ZNF423: variants seen among roughly 807,000 people sequenced by gnomAD.
ZNF423 encodes the protein zinc finger protein 423.
In ZNF423, 12 loss-of-function variants were observed where a neutral mutation model predicts 95.8. The observed-to-expected ratio is 0.13, with a 90% confidence interval of 0.08 to 0.20. ZNF423 has a LOEUF of 0.20. ZNF423 is among the 10% of genes least tolerant of loss of function. The pLI is 1.00. For synonymous variants in ZNF423, 749 were observed against 711.9 expected (o/e 1.05, Z -0.83); for missense variants, 1,316 against 1,737.1 (o/e 0.76, Z 4.31).
At chr16:49,599,834 GA>G (rs1306946164) in intron 5 of ZNF423, among the ~76,000 whole-genome samples, 1 of 152,226 alleles carries the variant, frequency 6.6e-6, no homozygotes, top group Non-Finnish European at 1.5e-5. Context: ...GAAGACGTCA[GA>G]ACAGTGATTG....
intron 1 of ZNF423, among the ~76,000 whole-genome samples, chr16:49,842,851 T>G (rs899894124): frequency 7.9e-5 from 12 of 151,870 alleles, no homozygotes; most frequent in African/African-American, 2.9e-4. Flanking sequence ...TACTGGCATG[T>G]GCCTCTAGTC....
In ZNF423 at chr16:49,670,054, C is replaced by T. The variant is rs551913014; in HGVS notation, c.302-31180G>A. On this transcript the variant is annotated intron_variant, in intron 3 of 7. Coordinates refer to ENST00000563137, the MANE Select transcript of ZNF423 (RefSeq NM_001379286.1). ...CTGCATCAGGGCAGTGGCCCCACCA[C>T]GAGAACAGAGGAAAAAAGGCCAAGA... is the stretch of plus-strand genomic sequence containing the variant. 3.1e-4 allele frequency among the ~76,000 whole-genome samples: 47 copies of T among 151,474 alleles called. 1 individual carries two copies. Among genetic ancestry groups the T allele is most frequent in the South Asian group, 1.5e-3 (7 of 4,772 alleles).
At chr16:49,851,573 C>CCCTCCT (rs1269098427) in intron 1 of ZNF423, among the ~76,000 whole-genome samples, 1 of 152,024 alleles carries the variant, frequency 6.6e-6, no homozygotes, top group African/African-American at 2.4e-5. Flanking sequence ...TCCTGGTTCC[C>CCCTCCT]CCTCCTCCTC....
intron 5 of ZNF423, among the ~76,000 whole-genome samples, chr16:49,573,085 T>C (rs1970400391): frequency 6.6e-6 from 1 of 152,110 alleles, no homozygotes; most frequent in South Asian, 2.1e-4. Flanking sequence ...CTTAAATATT[T>C]GGATGGATAT....
chr16:49,636,065 G>T lies in ZNF423; in HGVS notation c.3111C>A (p.Val1037=). 6.2e-7 allele frequency: 1 copy of T among 1,613,848 alleles called. No homozygotes were observed. Among genetic ancestry groups the T allele is most frequent in the South Asian group, 1.1e-5 (1 of 91,060 alleles). The change falls in exon 4 of 8, where the codon GTC becomes GTA. Residue 1037 remains valine, a synonymous_variant. Coordinates refer to ENST00000563137, the MANE Select transcript of ZNF423 (RefSeq NM_001379286.1). This position sits in a 1 kb window ranked among gnomAD's most constrained non-coding sequence, Gnocchi z 8.6. ...GFRCVVCMQT[V]TSTLELKIHG... Reference sequence around the variant, plus strand: ...GGATCTTGAGCTCAAGCGTGGAAGTGACTGTCTGCATGCAGACCACACAGC... The same window carrying T: ...GGATCTTGAGCTCAAGCGTGGAAGTTACTGTCTGCATGCAGACCACACAGC...
chr16:49,853,574 A>G, intron 1 of ZNF423: 1 of 933,984 alleles, frequency 1.1e-6, no homozygotes, highest in African/African-American at 1.8e-5. Context: ...GAGTCTCGAA[A>G]TGCCTCCACT....
At chr16:49,759,314 G>A (rs868329898) in intron 2 of ZNF423, among the ~76,000 whole-genome samples, 3 of 151,940 alleles carry the variant, frequency 2.0e-5, no homozygotes, top group Non-Finnish European at 4.4e-5. Flanking sequence ...CAGGAGAATC[G>A]CTTGAACCCG....
At chr16:49,789,969 C>T (rs561691645) in intron 1 of ZNF423, among the ~76,000 whole-genome samples, 1 of 152,174 alleles carries the variant, frequency 6.6e-6, no homozygotes, top group Non-Finnish European at 1.5e-5. Context: ...CACTGCAACT[C>T]ATGAGCTGAC....
At chr16:49,673,270 T>C (rs2030897020) in intron 3 of ZNF423, among the ~76,000 whole-genome samples, 1 of 152,206 alleles carries the variant, frequency 6.6e-6, no homozygotes, top group African/African-American at 2.4e-5. Context: ...CAAAATGACA[T>C]TGGAGCCCCA....
chr16:49,557,909 C>T (rs150878668), intron 5 of ZNF423, among the ~76,000 whole-genome samples: 13 of 152,206 alleles, frequency 8.5e-5, no homozygotes, highest in African/African-American at 2.9e-4. Context: ...GCCTGGGCAC[C>T]TGGGGCCCCC....
At chr16:49,736,061 C>T (rs2033279662) in intron 2 of ZNF423, among the ~76,000 whole-genome samples, 1 of 152,158 alleles carries the variant, frequency 6.6e-6, no homozygotes, top group Non-Finnish European at 1.5e-5. Context: ...CCACCTCCCC[C>T]AACCCTGGCA....
chr16:49,600,277 G>A (rs938073260), intron 5 of ZNF423, among the ~76,000 whole-genome samples: 4 of 151,828 alleles, frequency 2.6e-5, no homozygotes, highest in South Asian at 2.1e-4. Context: ...CTGAGATCGC[G>A]CCACAGCACT....
chr16:49,509,845 C>T (rs1375264739), intron 7 of ZNF423, among the ~76,000 whole-genome samples: 4 of 152,238 alleles, frequency 2.6e-5, no homozygotes, highest in Non-Finnish European at 5.9e-5. Flanking sequence ...AATCTCATCT[C>T]TGCCCAACTA....
chr16:49,684,231 A>G (rs2151940230), intron 3 of ZNF423, among the ~76,000 whole-genome samples: 1 of 152,342 alleles, frequency 6.6e-6, no homozygotes, highest in Admixed American at 6.5e-5. Flanking sequence ...CCAACACAAA[A>G]GAAATATCAT....
intron 3 of ZNF423, among the ~76,000 whole-genome samples, chr16:49,680,532 C>A (rs1336300487): frequency 6.6e-6 from 1 of 152,228 alleles, no homozygotes; most frequent in African/African-American, 2.4e-5. Context: ...CTCCCCAAGC[C>A]AGGGCTGTGA....
chr16:49,616,184 C>T (rs184752281), intron 5 of ZNF423, among the ~76,000 whole-genome samples: 223 of 152,262 alleles, frequency 1.5e-3, no homozygotes, highest in African/African-American at 5.1e-3. Context: ...TAACTTGGAA[C>T]TGGGGGACAT....
intron 3 of ZNF423, among the ~76,000 whole-genome samples, chr16:49,642,428 T>C (rs958178068): frequency 1.3e-5 from 2 of 152,238 alleles, no homozygotes; most frequent in Admixed American, 6.5e-5. Context: ...GCAGGCTGGC[T>C]GCTTGGCTTT....
intron 2 of ZNF423, among the ~76,000 whole-genome samples, chr16:49,764,171 C>A (rs1322502833): frequency 6.6e-6 from 1 of 152,168 alleles, no homozygotes; most frequent in African/African-American, 2.4e-5. Flanking sequence ...ACAGAGGACC[C>A]CTCGCTCCCA....
At chr16:49,539,465 A>C (rs901100922) in intron 5 of ZNF423, among the ~76,000 whole-genome samples, 3 of 152,162 alleles carry the variant, frequency 2.0e-5, no homozygotes, top group Non-Finnish European at 4.4e-5. Context: ...GTCAGATTGC[A>C]CAGGTTCAAA....
Sources: allele counts gnomAD v4.1 joint callset (sites outside exome capture counted in the v4.1 genomes callset), GRCh38; gene constraint gnomAD v4.1.1; non-coding constraint Gnocchi (gnomAD v3.1); transcripts MANE v1.5; gene names NCBI Gene and HGNC (gene_info 2026-07-23, HGNC 2026-07-21).